CUL1: variants seen among roughly 807,000 people sequenced by gnomAD.
CUL1 encodes the protein cullin-1.
CUL1 carries 24 observed loss-of-function variants against 118.0 expected under a neutral mutation model. The ratio of observed to expected loss-of-function variants is 0.20; its 90% CI spans 0.15 to 0.29. CUL1 has a LOEUF of 0.29. Among genes scored for constraint, CUL1 ranks in the 10% least tolerant of loss-of-function variants. The pLI, the probability that CUL1 is intolerant of heterozygous loss-of-function variation, is 1.00. For synonymous variants in CUL1, 332 were observed against 340.4 expected (o/e 0.98, Z 0.27); for missense variants, 361 against 933.8 (o/e 0.39, Z 7.99).
intron 3 of CUL1, among the ~76,000 whole-genome samples, chr7:148,756,492 C>T (rs1422289852): frequency 2.0e-5 from 3 of 152,062 alleles, no homozygotes; most frequent in Non-Finnish European, 2.9e-5. Flanking sequence ...TGTGCCACCA[C>T]GCCCCGGCTA....
chr7:148,734,517 G>A (rs142113585), intron 2 of CUL1, among the ~76,000 whole-genome samples: 176 of 152,292 alleles, frequency 1.2e-3, no homozygotes, highest in African/African-American at 4.0e-3. Flanking sequence ...ATGCTGGGGT[G>A]ACAGGTATGA....
At position 148,754,752 on chromosome 7, in the gene CUL1, C is replaced by CT. The variant is rs879470066; in HGVS notation, c.315+614dup. On this transcript the variant is annotated intron_variant, in intron 3 of 21. Transcript: ENST00000325222. ...GTTATGAAGTACTTTTTTTCTTTTC[C>CT]TTTTTTTTTTTTAAGACAGGGTCTT... is the stretch of plus-strand genomic sequence containing the variant. 2.8e-3 allele frequency among the ~76,000 whole-genome samples: 406 copies of CT among 143,338 alleles called. 1 individual carries two copies. Among genetic ancestry groups the CT allele is most frequent in the African/African-American group, 7.9e-3 (312 of 39,246 alleles). 94.0% of individuals were successfully genotyped at this position (143,338 alleles called of 152,430 possible).
intron 3 of CUL1, 35 bp from the exon 4 acceptor site, chr7:148,756,948 T>G: frequency 4.1e-6 from 6 of 1,447,248 alleles, no homozygotes; most frequent in Non-Finnish European, 5.6e-6. Flanking sequence ...TGTGACAAAT[T>G]AGTCATCTTA....
intron 1 of CUL1, among the ~76,000 whole-genome samples, chr7:148,703,563 C>G (rs1266082464): frequency 6.6e-6 from 1 of 151,810 alleles, no homozygotes; most frequent in Non-Finnish European, 1.5e-5. Context: ...GACAGAGTCT[C>G]ACTCTGTCGC....
Position 148,782,473 on chromosome 7 carries a change from CA to C in CUL1, c.1084-1308del, listed in dbSNP as rs1386779582. ...GTAATTTTAAAATATTAAATATCTG[CA>C]ATACTGCCTTTCAATATTAAGTGAT... On this transcript the variant is annotated intron_variant, in intron 9 of 21. Coordinates refer to ENST00000325222, the MANE Select transcript of CUL1 (RefSeq NM_003592.3). Among the ~76,000 whole-genome samples, 20 of 152,294 alleles carry C rather than the reference CA, an allele frequency of 1.3e-4. No homozygotes were observed. The South Asian group carries it at 1.9e-3, about 14-fold the overall frequency.
At chr7:148,725,820 GA>G (rs1177511056) in intron 1 of CUL1, among the ~76,000 whole-genome samples, 53 of 152,292 alleles carry the variant, frequency 3.5e-4, no homozygotes, top group Non-Finnish European at 1.5e-4. Context: ...CTCTTTAGGG[GA>G]TATCAAAAAT....
chr7:148,777,586 A>G (rs922498936), intron 9 of CUL1, among the ~76,000 whole-genome samples: 1 of 152,204 alleles, frequency 6.6e-6, no homozygotes, highest in African/African-American at 2.4e-5. Context: ...GAGTTCTCCA[A>G]ATTAACTCTC....
At chr7:148,768,934 A>G (rs1010943382) in intron 9 of CUL1, among the ~76,000 whole-genome samples, 12 of 152,130 alleles carry the variant, frequency 7.9e-5, no homozygotes, top group African/African-American at 2.9e-4. Context: ...TAGGTTTTTA[A>G]AACAATTTTA....
At chr7:148,715,067 A>G (rs1221731380) in intron 1 of CUL1, among the ~76,000 whole-genome samples, 1 of 152,136 alleles carries the variant, frequency 6.6e-6, no homozygotes, top group Non-Finnish European at 1.5e-5. Context: ...GATGTTTGTC[A>G]TGTCTGTTCA....
intron 16 of CUL1, among the ~76,000 whole-genome samples, chr7:148,791,068 C>T (rs897833428): frequency 3.3e-5 from 5 of 152,146 alleles, no homozygotes; most frequent in Non-Finnish European, 7.4e-5. Flanking sequence ...CGCTTGTAAT[C>T]CTCACGCTTT....
intron 1 of CUL1, among the ~76,000 whole-genome samples, chr7:148,721,063 C>A (rs906603274): frequency 1.3e-5 from 2 of 152,154 alleles, no homozygotes; most frequent in Non-Finnish European, 2.9e-5. Context: ...TTAATAATTT[C>A]TTGTGGAATT....
chr7:148,714,491 C>T (rs1798148901), intron 1 of CUL1, among the ~76,000 whole-genome samples: 1 of 152,154 alleles, frequency 6.6e-6, no homozygotes, highest in Non-Finnish European at 1.5e-5. Context: ...CTCCCCATCC[C>T]CCTCCTTGGT....
intron 4 of CUL1, 110 bp downstream of exon 4, chr7:148,757,260 A>C: frequency 1.8e-6 from 1 of 549,564 alleles, no homozygotes; most frequent in Non-Finnish European, 2.8e-6. Context: ...TTTTTTCAGA[A>C]TAGTAAACTA....
chr7:148,748,521 G>A (rs1366520318), intron 2 of CUL1, among the ~76,000 whole-genome samples: 2 of 152,106 alleles, frequency 1.3e-5, no homozygotes, highest in Admixed American at 1.3e-4. Context: ...CTCAAAATAT[G>A]GCAGATATTT....
chr7:148,735,638 C>A (rs1450877271), intron 2 of CUL1, among the ~76,000 whole-genome samples: 1 of 152,238 alleles, frequency 6.6e-6, no homozygotes, highest in Admixed American at 6.5e-5. Context: ...TTTCATCTTG[C>A]ACTCTTAATT....
chr7:148,739,134 C>T (rs1362345053), intron 2 of CUL1, among the ~76,000 whole-genome samples: 1 of 152,156 alleles, frequency 6.6e-6, no homozygotes, highest in Non-Finnish European at 1.5e-5. Context: ...GGGAATTCTC[C>T]CCTTCCAGAT....
chr7:148,734,140 T>G (rs1798861927), intron 2 of CUL1, among the ~76,000 whole-genome samples: 4 of 152,202 alleles, frequency 2.6e-5, no homozygotes, highest in Non-Finnish European at 5.9e-5. Context: ...TCTCCTAAAG[T>G]TTTAGCCTTA....
At chr7:148,715,471 A>T (rs1045274242) in intron 1 of CUL1, among the ~76,000 whole-genome samples, 1 of 152,170 alleles carries the variant, frequency 6.6e-6, no homozygotes, top group African/African-American at 2.4e-5. Context: ...TGTCGAACTA[A>T]AAGTTTCATG....
chr7:148,787,444 A>G lies in CUL1; in HGVS notation c.1479+324A>G, dbSNP rs142250135. Reference sequence around the variant, plus strand: ...ACCACTACACTCCAGCCTGGGCAACAGAGTGAGACTCTGTCTCAGAAAAAA... The same window carrying G: ...ACCACTACACTCCAGCCTGGGCAACGGAGTGAGACTCTGTCTCAGAAAAAA... On this transcript the variant is annotated intron_variant, in intron 13 of 21. Coordinates refer to ENST00000325222, the MANE Select transcript of CUL1 (RefSeq NM_003592.3). This position sits in a 1 kb window ranked among gnomAD's most constrained non-coding sequence, Gnocchi z 5.5. Among the ~76,000 whole-genome samples, 192 of 152,306 alleles carry G rather than the reference A, an allele frequency of 1.3e-3. No homozygotes were observed. The highest frequency in any genetic ancestry group is 4.1e-3 in the African/African-American group (170 of 41,578).
Sources: gnomAD v4.1 joint callset for allele counts (sites outside exome capture counted in the v4.1 genomes callset) on GRCh38, gnomAD v4.1.1 for gene constraint, Gnocchi (gnomAD v3.1) non-coding constraint, MANE v1.5 for transcripts, NCBI Gene and HGNC (gene_info 2026-07-23, HGNC 2026-07-21) for gene names.